Variants in TMEM116 observed in about 807,000 individuals in gnomAD.
TMEM116 encodes transmembrane protein 116.
A neutral mutation model predicts 44.3 loss-of-function variants in TMEM116; 38 were observed. The observed-to-expected ratio is 0.86, with a 90% CI of 0.66 to 1.12. The LOEUF is 1.12. TMEM116 is among the 50% of genes most tolerant of loss of function. The probability of loss-of-function intolerance (pLI) is 0.00; values close to 1 mark genes in which losing one functional copy is unlikely to be tolerated. For missense variants in TMEM116, 354 were observed against 401.7 expected (o/e 0.88, Z 1.01); for synonymous variants, 132 against 144.8 (o/e 0.91, Z 0.64).
At chr12:111,988,154 G>A (rs576777251) in intron 4 of TMEM116, among the ~76,000 whole-genome samples, 3 of 152,150 alleles carry the variant, frequency 2.0e-5, no homozygotes, top group Non-Finnish European at 2.9e-5. Flanking sequence ...TAGAACAGTG[G>A]TTACCAGGAG....
intron 4 of TMEM116, among the ~76,000 whole-genome samples, chr12:111,960,491 CAAAAAAAAAAAAAAA>C (rs545322547): frequency 3.5e-5 from 1 of 28,574 alleles, no homozygotes; most frequent in African/African-American, 1.2e-4. Flanking sequence ...GACTCCGTCT[CAAAAAAAAAAAAAAA>C]AAAAAAAAAA....
intron 4 of TMEM116, among the ~76,000 whole-genome samples, chr12:111,968,065 A>AAAACAAAC (rs59987522): frequency 3.3e-5 from 5 of 151,766 alleles, no homozygotes; most frequent in African/African-American, 4.9e-5. Context: ...GTGCTGAAGA[A>AAAACAAAC]AAACAAACAA....
At chr12:112,004,375 C>T (rs1311473061) in intron 2 of TMEM116, among the ~76,000 whole-genome samples, 2 of 152,064 alleles carry the variant, frequency 1.3e-5, no homozygotes, top group Non-Finnish European at 2.9e-5. Flanking sequence ...GCCTCCAACT[C>T]CTGGGCTAAA....
intron 4 of TMEM116, among the ~76,000 whole-genome samples, chr12:111,960,286 G>A (rs551079123): frequency 2.0e-5 from 3 of 151,708 alleles, no homozygotes; most frequent in African/African-American, 4.8e-5. Flanking sequence ...TCAGGAGATC[G>A]AGACCACCCT....
chr12:111,957,847 G>A (rs1348906802), intron 4 of TMEM116, among the ~76,000 whole-genome samples: 1 of 152,154 alleles, frequency 6.6e-6, no homozygotes, highest in Non-Finnish European at 1.5e-5. Flanking sequence ...GGGAAATGTG[G>A]GGAAAAGAAA....
intron 4 of TMEM116, among the ~76,000 whole-genome samples, chr12:111,965,199 C>T (rs563768729): frequency 1.3e-5 from 2 of 151,766 alleles, no homozygotes; most frequent in East Asian, 3.9e-4. Context: ...TTTTTTTTTC[C>T]TCAAGAGCCA....
intron 4 of TMEM116, among the ~76,000 whole-genome samples, chr12:111,979,136 T>C (rs964940152): frequency 2.0e-5 from 3 of 152,226 alleles, no homozygotes. Flanking sequence ...AAAAAATGGA[T>C]GAGTGGAACT....
intron 9 of TMEM116, among the ~76,000 whole-genome samples, chr12:111,933,489 CT>C (rs202131081): frequency 1.7e-3 from 235 of 134,782 alleles, no homozygotes; most frequent in Middle Eastern, 3.9e-3. Flanking sequence ...AGCCATCCTT[CT>C]TTTTTTTTTT....
intron 4 of TMEM116, among the ~76,000 whole-genome samples, chr12:111,963,112 T>C (rs1593415830): frequency 1.3e-5 from 2 of 152,180 alleles, no homozygotes; most frequent in Non-Finnish European, 1.5e-5. Context: ...CACAATGAGA[T>C]ACCATCTCAC....
At chr12:111,956,562 G>C (rs781202562) in intron 4 of TMEM116, among the ~76,000 whole-genome samples, 1 of 152,054 alleles carries the variant, frequency 6.6e-6, no homozygotes, top group African/African-American at 2.4e-5. Context: ...CTCTAATGCC[G>C]AGCCGAGGCT....
At chr12:111,950,942 G>C (rs894534646) in intron 4 of TMEM116, among the ~76,000 whole-genome samples, 2 of 152,050 alleles carry the variant, frequency 1.3e-5, no homozygotes, top group Non-Finnish European at 2.9e-5. Flanking sequence ...ATCTGACAAA[G>C]GTCTAATATC....
At position 111,936,779 on chromosome 12, in the gene TMEM116, AGAAGGTG is replaced by A; in HGVS notation, c.494_500del (p.Pro165LeufsTer44). ...GTGTGCTACAGACAGATGTGTTGGC[AGAAGGTG>A]GAAGTTCAGCCATGGCTGATGGTGG... On this transcript the variant is annotated frameshift_variant, in exon 8 of 11. Coordinates refer to ENST00000552374, the MANE Select transcript of TMEM116 (RefSeq NM_001193531.2). LOFTEE classifies it high-confidence loss of function. The A allele has an allele frequency of 6.2e-7, 1 of 1,613,254 alleles. No homozygotes were observed. Among genetic ancestry groups the A allele is most frequent in the African/African-American group, 1.3e-5 (1 of 75,018 alleles).
chr12:111,955,439 T>C (rs970912234), intron 4 of TMEM116, among the ~76,000 whole-genome samples: 1 of 152,204 alleles, frequency 6.6e-6, no homozygotes, highest in African/African-American at 2.4e-5. Context: ...AGGACAATCA[T>C]ATATATCCAA....
intron 4 of TMEM116, among the ~76,000 whole-genome samples, chr12:111,951,493 A>G (rs2073728846): frequency 6.6e-6 from 1 of 152,274 alleles, no homozygotes; most frequent in South Asian, 2.1e-4. Context: ...GTCATAAAAA[A>G]GGACAAGATC....
At chr12:112,005,168 G>A in intron 2 of TMEM116, 89 bp downstream of exon 2, 1 of 881,998 alleles carries the variant, frequency 1.1e-6, no homozygotes, top group Non-Finnish European at 1.6e-6. Context: ...AAGAGTAAAA[G>A]CAAATCCCCA....
chr12:111,958,671 A>C (rs764891841), intron 4 of TMEM116, among the ~76,000 whole-genome samples: 4 of 152,214 alleles, frequency 2.6e-5, no homozygotes, highest in Non-Finnish European at 5.9e-5. Flanking sequence ...ATAGAGCTGA[A>C]AAACACAGCA....
chr12:111,976,536 C>T (rs920895964), intron 4 of TMEM116, among the ~76,000 whole-genome samples: 3 of 152,074 alleles, frequency 2.0e-5, no homozygotes, highest in Non-Finnish European at 4.4e-5. Flanking sequence ...AATCTAATTA[C>T]CTCAGTTCCT....
chr12:111,987,509 C>CAAAA (rs35466717), intron 4 of TMEM116, among the ~76,000 whole-genome samples: 1 of 91,652 alleles, frequency 1.1e-5, no homozygotes, highest in African/African-American at 3.9e-5. Context: ...TGTCCCCCCT[C>CAAAA]AAAAAAAAAA....
chr12:111,991,154 G>C (rs1001357564), intron 4 of TMEM116, among the ~76,000 whole-genome samples: 1 of 149,074 alleles, frequency 6.7e-6, no homozygotes, highest in African/African-American at 2.5e-5. Flanking sequence ...AGGAGGCGGA[G>C]GTTGCAGTGA....
Sources: gnomAD v4.1 joint callset for allele counts (sites outside exome capture counted in the v4.1 genomes callset) on GRCh38, gnomAD v4.1.1 for gene constraint, MANE v1.5 for transcripts, NCBI Gene and HGNC (gene_info 2026-07-23, HGNC 2026-07-21) for gene names.